The following RAD51B variants were observed in gnomAD, a reference collection of about 807,000 sequenced individuals.
RAD51B encodes DNA repair protein RAD51 homolog 2.
A neutral mutation model predicts 42.2 loss-of-function variants in RAD51B; 38 were observed. The observed-to-expected ratio is 0.90, with a 90% confidence interval of 0.70 to 1.18. RAD51B has a LOEUF of 1.18. Ranked by LOEUF, RAD51B falls within the 50% of genes most tolerant of loss-of-function variation. The pLI is 0.00. For synonymous variants in RAD51B, 154 were observed against 145.2 expected (o/e 1.06, Z -0.43); for missense variants, 373 against 400.7 (o/e 0.93, Z 0.59).
intron 7 of RAD51B, among the ~76,000 whole-genome samples, chr14:68,211,508 G>C (rs1314473498): frequency 6.6e-6 from 1 of 152,186 alleles, no homozygotes; most frequent in African/African-American, 2.4e-5. Context: ...TAAGAAAGTA[G>C]GAGAGCTCCT....
intron 11 of RAD51B, among the ~76,000 whole-genome samples, chr14:68,662,740 C>T (rs575336997): frequency 2.0e-5 from 3 of 152,352 alleles, no homozygotes; most frequent in East Asian, 1.9e-4. Flanking sequence ...TGATTCCTAA[C>T]GATCATCACT....
chr14:68,280,538 G>A (rs2081300653), intron 7 of RAD51B, among the ~76,000 whole-genome samples: 2 of 152,168 alleles, frequency 1.3e-5, no homozygotes, highest in Non-Finnish European at 2.9e-5. Context: ...ACTGAGTTGT[G>A]AGGATAAAAT....
At chr14:68,349,804 G>C (rs753692287) in intron 8 of RAD51B, among the ~76,000 whole-genome samples, 1 of 152,198 alleles carries the variant, frequency 6.6e-6, no homozygotes, top group East Asian at 1.9e-4. Flanking sequence ...AGGGAGCCTT[G>C]TGTTTTCTGT....
chr14:68,591,579 C>T (rs1031546578), intron 10 of RAD51B, among the ~76,000 whole-genome samples: 5 of 152,232 alleles, frequency 3.3e-5, no homozygotes, highest in Non-Finnish European at 7.3e-5. Flanking sequence ...TGATGCTCTT[C>T]TTCCCTGGGC....
chr14:68,463,345 A>G (rs946828116), intron 9 of RAD51B, among the ~76,000 whole-genome samples: 1 of 152,240 alleles, frequency 6.6e-6, no homozygotes, highest in Admixed American at 6.5e-5. Flanking sequence ...TCCCCTCACT[A>G]GTATATAATA....
chr14:68,542,509 C>G (rs548869004), intron 10 of RAD51B, among the ~76,000 whole-genome samples: 2 of 152,226 alleles, frequency 1.3e-5, no homozygotes, highest in South Asian at 4.1e-4. Flanking sequence ...TGTAGTGATT[C>G]ATATGTCATT....
intron 7 of RAD51B, among the ~76,000 whole-genome samples, chr14:68,269,355 G>A (rs956878807): frequency 2.6e-5 from 4 of 152,166 alleles, no homozygotes; most frequent in African/African-American, 9.7e-5. Context: ...ACTCAGCCCT[G>A]CCCACTGCTC....
At chr14:68,281,878 G>A (rs889989495) in intron 7 of RAD51B, among the ~76,000 whole-genome samples, 2 of 152,102 alleles carry the variant, frequency 1.3e-5, no homozygotes, top group African/African-American at 4.8e-5. Context: ...CAGTGTTCCA[G>A]GAGGCCATTT....
intron 8 of RAD51B, among the ~76,000 whole-genome samples, chr14:68,302,492 T>TCCAGGTAGGGTGTAGAG (rs1555389630): frequency 6.6e-6 from 1 of 151,416 alleles, no homozygotes; most frequent in African/African-American, 2.4e-5. Context: ...CGTCATGGAA[T>TCCAGGTAGGGTGTAGAG]CCAGGCAGGG....
rs1009455960 is a variant in RAD51B at position 68,187,686 on chromosome 14, A to C, written c.757-104198A>C. Reference sequence around the variant, plus strand: ...TAGCATGTTTGTATACAGTCCTTCAAATTTTTTCAATGCGTATATTAACAT... The same window carrying C: ...TAGCATGTTTGTATACAGTCCTTCACATTTTTTCAATGCGTATATTAACAT... On this transcript the variant is annotated intron_variant, in intron 7 of 10. Transcript: ENST00000471583. Among the ~76,000 whole-genome samples the C allele has an allele frequency of 3.3e-5, 5 of 152,334 alleles. No homozygotes were observed. The South Asian group carries it at 8.3e-4, about 25-fold the overall frequency.
intron 10 of RAD51B, among the ~76,000 whole-genome samples, chr14:68,626,608 T>C (rs1455649005): frequency 1.3e-5 from 2 of 152,236 alleles, no homozygotes; most frequent in Non-Finnish European, 1.5e-5. Flanking sequence ...GGCTCTTGAC[T>C]GCAGCAACTA....
At position 68,184,848 on chromosome 14, in the gene RAD51B, G is replaced by T. The variant is rs544097587; in HGVS notation, c.757-107036G>T. Among the ~76,000 whole-genome samples the T allele has an allele frequency of 5.3e-5, 8 of 152,324 alleles. No homozygotes were observed. The East Asian group carries it at 1.5e-3, about 29-fold the overall frequency. Reference sequence around the variant, plus strand: ...GCTTGAGCATTTTGAAAGAGAGACAGATTAATAAGAAGGAAGAGGCTTCCT... The same window carrying T: ...GCTTGAGCATTTTGAAAGAGAGACATATTAATAAGAAGGAAGAGGCTTCCT... On this transcript the variant is annotated intron_variant, in intron 7 of 10. Coordinates refer to ENST00000471583, the MANE Select transcript of RAD51B (RefSeq NM_133510.4).
intron 7 of RAD51B, among the ~76,000 whole-genome samples, chr14:68,135,922 A>C (rs1451814126): frequency 6.6e-6 from 1 of 152,200 alleles, no homozygotes; most frequent in South Asian, 2.1e-4. Flanking sequence ...ATTCTATAAA[A>C]AGAGACTCAG....
At chr14:67,951,550 A>C (rs1198525052) in intron 7 of RAD51B, among the ~76,000 whole-genome samples, 1 of 152,202 alleles carries the variant, frequency 6.6e-6, no homozygotes, top group Non-Finnish European at 1.5e-5. Context: ...AAAGTTTTTA[A>C]GTTACAAAGT....
At chr14:68,481,224 A>G (rs1040424943), downstream of RAD51B, among the ~76,000 whole-genome samples, 1 of 152,128 alleles carries the variant, frequency 6.6e-6, no homozygotes, top group Admixed American at 6.5e-5. Flanking sequence ...ATTGAGCAAG[A>G]TGCTGTCTGT....
At chr14:68,487,054 A>C (rs796598174) in intron 10 of RAD51B, among the ~76,000 whole-genome samples, 1 of 152,204 alleles carries the variant, frequency 6.6e-6, no homozygotes, top group Non-Finnish European at 1.5e-5. Context: ...GGTGAAAGGG[A>C]GTGAAAAGGC....
intron 7 of RAD51B, among the ~76,000 whole-genome samples, chr14:68,088,483 A>G (rs796535662): frequency 5.3e-5 from 8 of 150,270 alleles, no homozygotes; most frequent in African/African-American, 1.7e-4. Context: ...CTCTTTTTTC[A>G]TCTTCTTCCT....
chr14:68,338,453 C>T (rs1459957978), intron 8 of RAD51B, among the ~76,000 whole-genome samples: 3 of 152,182 alleles, frequency 2.0e-5, no homozygotes, highest in Admixed American at 6.5e-5. Context: ...GTCCTTAGTT[C>T]GACTTCCCAG....
At chr14:68,216,161 G>A (rs1375582769) in intron 7 of RAD51B, among the ~76,000 whole-genome samples, 1 of 152,168 alleles carries the variant, frequency 6.6e-6, no homozygotes, top group East Asian at 1.9e-4. Context: ...CCAACCTTTG[G>A]CATCAGCCCA....
Sources: allele counts gnomAD v4.1 joint callset (sites outside exome capture counted in the v4.1 genomes callset), GRCh38; gene constraint gnomAD v4.1.1; transcripts MANE v1.5; gene names NCBI Gene and HGNC (gene_info 2026-07-23, HGNC 2026-07-21).